CEND1: variants seen among roughly 807,000 people sequenced by gnomAD.
The protein encoded by CEND1 is cell cycle exit and neuronal differentiation 1, also known as cell cycle exit and neuronal differentiation protein 1.
A neutral mutation model predicts 4.4 loss-of-function variants in CEND1; 1 was observed. That is an observed-to-expected ratio of 0.23 (90% CI 0.08 to 1.09). CEND1 has a LOEUF of 1.09. CEND1 is among the 50% of genes least tolerant of loss of function. The pLI is 0.55. For synonymous variants in CEND1, 109 were observed against 93.0 expected (o/e 1.17, Z -0.99); for missense variants, 213 against 201.2 (o/e 1.06, Z -0.35).
chr11:789,851 CT>C (rs1417288984), intron 1 of CEND1, among the ~76,000 whole-genome samples, 178 bp downstream of exon 1: 2 of 152,188 alleles, frequency 1.3e-5, no homozygotes. Flanking sequence ...CCCAACCTCG[CT>C]ATTTGTGGCA....
chr11:789,507 G>A (rs1050552423), intron 1 of CEND1, among the ~76,000 whole-genome samples: 33 of 152,186 alleles, frequency 2.2e-4, no homozygotes, highest in Admixed American at 1.3e-4. Flanking sequence ...CTCAATGACC[G>A]AGGCAGAGGT....
At chr11:789,567 C>G (rs533150210) in intron 1 of CEND1, among the ~76,000 whole-genome samples, 1 of 152,222 alleles carries the variant, frequency 6.6e-6, no homozygotes, top group Admixed American at 6.5e-5. Flanking sequence ...GGGTCTTGCC[C>G]CAAAGCCCCA....
chr11:787,293 G>A lies in CEND1; in HGVS notation c.*834C>T, dbSNP rs952909102. 1 of 152,792 alleles carries A rather than the reference G, an allele frequency of 6.5e-6. No homozygotes were observed. Among genetic ancestry groups the A allele is most frequent in the African/African-American group, 2.4e-5 (1 of 41,436 alleles). The allele number at this position is 152,792 out of a possible 1,614,324, so 9.5% of individuals were successfully genotyped here. A position where few individuals can be genotyped will look rare whatever the true frequency, so the allele number is the denominator to read the frequency against. ...TGGATGTGCTAAGGAGGGGCTGCAC[G>A]AGGGGCTTCCCCAGGTGCAGTGGGC... On this transcript the variant is annotated 3_prime_UTR_variant, in exon 2 of 2. Transcript: ENST00000330106.
Position 788,458 on chromosome 11 carries a change from G to T in CEND1, c.119C>A (p.Ser40Ter). 6.4e-7 allele frequency: 1 copy of T among 1,571,828 alleles called. No homozygotes were observed. Among genetic ancestry groups the T allele is most frequent in the Non-Finnish European group, 8.6e-7 (1 of 1,157,020 alleles). ...CTTCTCGGCCGGGGCCTCCTTCTTC[G>T]AGGGCTTGGTCAAGGGGGCTTTCCC... Reference protein sequence around the residue: ...ADGKAPLTKPSKKEAPAEKQQ... With the variant: ...ADGKAPLTKP Residue 40 changes from serine (S) to a stop codon, truncating the protein, a stop_gained, in exon 2 of 2, where the codon TCG becomes TAG. Coordinates refer to ENST00000330106, the MANE Select transcript of CEND1 (RefSeq NM_016564.4). LOFTEE classifies it low-confidence loss of function (END_TRUNC).
rs1456997111 is a variant in CEND1, at chr11:787,424, A to C, written c.*703T>G. 3 of 152,654 alleles carry C rather than the reference A, an allele frequency of 2.0e-5. No homozygotes were observed. Among genetic ancestry groups the C allele is most frequent in the Non-Finnish European group, 2.9e-5 (2 of 68,114 alleles). 9.5% of individuals were successfully genotyped at this position (152,654 alleles called of 1,614,324 possible). A position where few individuals can be genotyped will look rare whatever the true frequency, so the allele number is the denominator to read the frequency against. On this transcript the variant is annotated 3_prime_UTR_variant, in exon 2 of 2. Coordinates refer to ENST00000330106, the MANE Select transcript of CEND1 (RefSeq NM_016564.4). Reference sequence around the variant, plus strand: ...GGTGCTGGGTGCAAGCTGGAGGGGCAGTCTAGCGGGGCAGGGCGGGCACAG... The same window carrying C: ...GGTGCTGGGTGCAAGCTGGAGGGGCCGTCTAGCGGGGCAGGGCGGGCACAG...
chr11:788,911 T>G (rs2133686712), intron 1 of CEND1, among the ~76,000 whole-genome samples: 1 of 152,224 alleles, frequency 6.6e-6, no homozygotes, highest in East Asian at 1.9e-4. Context: ...GACCCCACTG[T>G]GCTCCATAAA....
chr11:787,946 A>C lies in CEND1; in HGVS notation c.*181T>G. 1 of 436,712 alleles carries C rather than the reference A, an allele frequency of 2.3e-6. No homozygotes were observed. The highest frequency in any genetic ancestry group is 3.9e-6 in the Non-Finnish European group (1 of 254,482). The allele number at this position is 436,712 out of a possible 1,614,324, so 27.1% of individuals were successfully genotyped here. A position where few individuals can be genotyped will look rare whatever the true frequency, so the allele number is the denominator to read the frequency against. On this transcript the variant is annotated 3_prime_UTR_variant, in exon 2 of 2. Transcript: ENST00000330106. ...CTCTTTCTGCCCTGGAGGTTGGGGA[A>C]GTCCTGGGTCAGCAGGGGTGGGCTC... is the stretch of plus-strand genomic sequence containing the variant.
Position 788,527 on chromosome 11 carries a change from A to G in CEND1, c.50T>C (p.Val17Ala), listed in dbSNP as rs1487208761. The change falls in exon 2 of 2, where the codon GTG becomes GCG. Residue 17 changes from valine (V) to alanine (A), a missense_variant. By Grantham distance (64) the Val-to-Ala change is moderately conservative (BLOSUM62 0). Coordinates refer to ENST00000330106, the MANE Select transcript of CEND1 (RefSeq NM_016564.4). ...CTTGGCCTCGGTGGTGACCTGGGGC[A>G]CCTTGGTGTCGGGCTTGGGGCTGCT... ...SASSPKPDTKVPQVTTEAKVP... is the reference protein window; with the variant it reads ...SASSPKPDTKAPQVTTEAKVP... 4.6e-6 allele frequency: 7 copies of G among 1,516,272 alleles called. No homozygotes were observed. The highest frequency in any genetic ancestry group is 1.4e-5 in the African/African-American group (1 of 71,272). 93.9% of individuals were successfully genotyped at this position (1,516,272 alleles called of 1,614,324 possible). A position where few individuals can be genotyped will look rare whatever the true frequency, so the allele number is the denominator to read the frequency against.
In CEND1 at chr11:790,021, C is replaced by T. The variant is rs1315813375; in HGVS notation, c.-83+9G>A. The T allele has an allele frequency of 6.5e-6, 1 of 152,832 alleles. No homozygotes were observed. Among genetic ancestry groups the T allele is most frequent in the African/African-American group, 2.4e-5 (1 of 41,394 alleles). The allele number at this position is 152,832 out of a possible 1,614,324, so 9.5% of individuals were successfully genotyped here. A position where few individuals can be genotyped will look rare whatever the true frequency, so the allele number is the denominator to read the frequency against. Reference sequence around the variant, plus strand: ...GCCCGCCCCGCCCGCCGGGAGCCCCCCGCCTTACGCGTCCTCCGGCCTCCC... The same window carrying T: ...GCCCGCCCCGCCCGCCGGGAGCCCCTCGCCTTACGCGTCCTCCGGCCTCCC... On this transcript the variant is annotated intron_variant, in intron 1 of 1. Transcript: ENST00000330106.
chr11:788,352 G>A lies in CEND1; in HGVS notation c.225C>T (p.His75=). The change falls in exon 2 of 2, where the codon CAC becomes CAT. Residue 75 remains histidine (H), a synonymous_variant. Coordinates refer to ENST00000330106, the MANE Select transcript of CEND1 (RefSeq NM_016564.4). The stretch of plus-strand genomic sequence containing the variant: ...CCGTGGGGGCTGGCTTCAGGTTGCT[G>A]TGGTTGTTGAGAAGGGCAGGGTCGG... ...AKADPALLNN[H]SNLKPAPTVP... is the part of the protein sequence containing the mutation. 5.0e-6 allele frequency: 8 copies of A among 1,603,008 alleles called. No individual in the cohort carries two copies. Among genetic ancestry groups the A allele is most frequent in the South Asian group, 1.1e-5 (1 of 90,684 alleles).
In CEND1 at chr11:787,397, G is replaced by A. The variant is rs1590113091; in HGVS notation, c.*730C>T. ...TGCATTATACGCTGGTTAGACTCAG[G>A]TGGTGCTGGGTGCAAGCTGGAGGGG... On this transcript the variant is annotated 3_prime_UTR_variant, in exon 2 of 2. Transcript: ENST00000330106. 3 of 152,896 alleles carry A rather than the reference G, an allele frequency of 2.0e-5. No homozygotes were observed. In the East Asian group the frequency reaches 5.8e-4, roughly 29 times the overall value. 9.5% of individuals were successfully genotyped at this position (152,896 alleles called of 1,614,324 possible). A position where few individuals can be genotyped will look rare whatever the true frequency, so the allele number is the denominator to read the frequency against.
At position 788,275 on chromosome 11, in the gene CEND1, G is replaced by A. The variant is rs764878052; in HGVS notation, c.302C>T (p.Ala101Val). 15 of 1,612,592 alleles carry A rather than the reference G, an allele frequency of 9.3e-6. No homozygotes were observed. Among genetic ancestry groups the A allele is most frequent in the Middle Eastern group, 1.6e-4 (1 of 6,076 alleles). The change falls in exon 2 of 2, where the codon GCG (alanine) becomes GTG (valine). Residue 101 changes from alanine to valine, a missense_variant. Physicochemically the swap from Ala to Val is moderately conservative, Grantham distance 64 (BLOSUM62 0). Transcript: ENST00000330106. ...TPEPKGPGDG[A>V]EEDEAASGGP... ...CCCACTGGCAGCCTCATCTTCCTCC[G>A]CCCCGTCCCCAGGACCCTTGGGCTC...
rs1040972724 is a variant in CEND1, at chr11:787,415, T to G, written c.*712A>C. 6.5e-6 allele frequency: 1 copy of G among 152,676 alleles called. No individual in the cohort carries two copies. The highest frequency in any genetic ancestry group is 2.4e-5 in the African/African-American group (1 of 41,410). 9.5% of individuals were successfully genotyped at this position (152,676 alleles called of 1,614,324 possible). On this transcript the variant is annotated 3_prime_UTR_variant, in exon 2 of 2. Transcript: ENST00000330106. ...GACTCAGGTGGTGCTGGGTGCAAGC[T>G]GGAGGGGCAGTCTAGCGGGGCAGGG...
At chr11:788,687 G>T in intron 1 of CEND1, 29 bp from the exon 2 acceptor site, 2 of 1,082,912 alleles carry the variant, frequency 1.8e-6, no homozygotes, top group South Asian at 2.2e-5. Context: ...GAGGCTGCGC[G>T]CGGGTCCAGT....
rs1053447535 is a variant in CEND1, at chr11:787,992, G to A, written c.*135C>T. 6 of 652,390 alleles carry A rather than the reference G, an allele frequency of 9.2e-6. No individual in the cohort carries two copies. Among genetic ancestry groups the A allele is most frequent in the African/African-American group, 7.4e-5 (4 of 54,306 alleles). 40.4% of individuals were successfully genotyped at this position (652,390 alleles called of 1,614,324 possible). Reference sequence around the variant, plus strand: ...GGCTCGGGCGTCCTCTTCACCGTGCGCGTGTGTTGGGGGCGTATGTAGGTG... The same window carrying A: ...GGCTCGGGCGTCCTCTTCACCGTGCACGTGTGTTGGGGGCGTATGTAGGTG... On this transcript the variant is annotated 3_prime_UTR_variant, in exon 2 of 2. Coordinates refer to ENST00000330106, the MANE Select transcript of CEND1 (RefSeq NM_016564.4).
At position 787,481 on chromosome 11, in the gene CEND1, C is replaced by T. The variant is rs1306477152; in HGVS notation, c.*646G>A. ...GGGGCCCTCGACATCCCTGCCTCCC[C>T]GCCGGCGTCGGGGCTCCCCTGGAGC... On this transcript the variant is annotated 3_prime_UTR_variant, in exon 2 of 2. Coordinates refer to ENST00000330106, the MANE Select transcript of CEND1 (RefSeq NM_016564.4). The T allele has an allele frequency of 2.6e-5, 4 of 152,522 alleles. No individual in the cohort carries two copies. Among genetic ancestry groups the T allele is most frequent in the Admixed American group, 6.5e-5 (1 of 15,286 alleles). 9.4% of individuals were successfully genotyped at this position (152,522 alleles called of 1,614,324 possible).
At chr11:788,778 G>C in intron 1 of CEND1, 120 bp from the exon 2 acceptor site, 2 of 430,758 alleles carry the variant, frequency 4.6e-6, no homozygotes, top group Middle Eastern at 1.2e-3. Flanking sequence ...CCAGCTCAGG[G>C]GCCTCCCGTG....
Position 788,065 on chromosome 11 carries a change from G to A in CEND1, c.*62C>T, listed in dbSNP as rs1380493790. 5 of 1,288,522 alleles carry A rather than the reference G, an allele frequency of 3.9e-6. No homozygotes were observed. Among genetic ancestry groups the A allele is most frequent in the Non-Finnish European group, 5.2e-6 (5 of 961,840 alleles). The allele number at this position is 1,288,522 out of a possible 1,614,324, so 79.8% of individuals were successfully genotyped here. ...GAATAGGTAAGGGTGAACTCTGCAT[G>A]CACTGGCTTCCTCGGGTCTGTACAG... On this transcript the variant is annotated 3_prime_UTR_variant, in exon 2 of 2. Transcript: ENST00000330106.
rs921516904 is a variant in CEND1, at chr11:787,770, C to T, written c.*357G>A. On this transcript the variant is annotated 3_prime_UTR_variant, in exon 2 of 2. Coordinates refer to ENST00000330106, the MANE Select transcript of CEND1 (RefSeq NM_016564.4). Reference sequence around the variant, plus strand: ...CGGGCCCAGGCCCAACCCATCCCGGCACCCCCACCTGCACTCAGACCAGCC... The same window carrying T: ...CGGGCCCAGGCCCAACCCATCCCGGTACCCCCACCTGCACTCAGACCAGCC... 5 of 183,934 alleles carry T rather than the reference C, an allele frequency of 2.7e-5. No homozygotes were observed. Among genetic ancestry groups the T allele is most frequent in the Non-Finnish European group, 5.6e-5 (5 of 89,700 alleles). 11.4% of individuals were successfully genotyped at this position (183,934 alleles called of 1,614,324 possible). A position where few individuals can be genotyped will look rare whatever the true frequency, so the allele number is the denominator to read the frequency against.
Sources: gnomAD v4.1 joint callset for allele counts (sites outside exome capture counted in the v4.1 genomes callset) on GRCh38, gnomAD v4.1.1 for gene constraint, MANE v1.5 for transcripts, NCBI Gene and HGNC (gene_info 2026-07-23, HGNC 2026-07-21) for gene names.